Variants in LRP12 observed in about 807,000 individuals in gnomAD.
The protein encoded by LRP12 is low-density lipoprotein receptor-related protein 12.
A neutral mutation model predicts 66.0 loss-of-function variants in LRP12; 14 were observed. That is an observed-to-expected ratio of 0.21 (90% CI 0.14 to 0.33). The LOEUF (loss-of-function observed/expected upper bound fraction) is 0.33. LRP12 is among the 10% of genes least tolerant of loss of function. LRP12 has a pLI of 1.00. For synonymous variants in LRP12, 357 were observed against 359.1 expected (o/e 0.99, Z 0.07); for missense variants, 889 against 1,053.4 (o/e 0.84, Z 2.16).
intron 1 of LRP12, among the ~76,000 whole-genome samples, chr8:104,570,114 A>C (rs1336150771): frequency 3.3e-5 from 5 of 152,190 alleles, no homozygotes; most frequent in African/African-American, 1.2e-4. Flanking sequence ...AGAACTATGA[A>C]ACACTAATGA....
At chr8:104,558,929 T>C (rs1811857184) in intron 1 of LRP12, among the ~76,000 whole-genome samples, 1 of 151,802 alleles carries the variant, frequency 6.6e-6, no homozygotes, top group Non-Finnish European at 1.5e-5. Context: ...CCTGCAAGAG[T>C]GGCCATAATC....
chr8:104,531,947 T>A lies in LRP12; in HGVS notation c.96A>T (p.Ala32=). 1.3e-6 allele frequency: 2 copies of A among 1,588,812 alleles called. No homozygotes were observed. Among genetic ancestry groups the A allele is most frequent in the Non-Finnish European group, 1.7e-6 (2 of 1,169,736 alleles). Residue 32 remains alanine (A), a synonymous_variant, in exon 2 of 7, where the codon GCA becomes GCT. Transcript: ENST00000276654. ...AAATATGCACATTTTCAGAATGTTC[T>A]GCAAGAGCACCATTTCCTAAAATTA... ...LAGVYGNGAL[A]EHSENVHISG...
chr8:104,548,064 T>C (rs1811629131), intron 1 of LRP12, among the ~76,000 whole-genome samples: 1 of 118,714 alleles, frequency 8.4e-6, no homozygotes, highest in African/African-American at 3.2e-5. Context: ...ATTTTGTATA[T>C]AATATATAAT....
At chr8:104,520,810 C>A (rs963813678) in intron 2 of LRP12, among the ~76,000 whole-genome samples, 1 of 151,990 alleles carries the variant, frequency 6.6e-6, no homozygotes, top group African/African-American at 2.4e-5. Context: ...CATGCCTTGG[C>A]AAAAATTACA....
intron 1 of LRP12, among the ~76,000 whole-genome samples, chr8:104,540,030 G>A (rs147523984): frequency 6.6e-6 from 1 of 152,242 alleles, no homozygotes; most frequent in African/African-American, 2.4e-5. Flanking sequence ...ATCAAAGTGT[G>A]CAGAGTGGTC....
intron 1 of LRP12, among the ~76,000 whole-genome samples, chr8:104,557,159 T>C (rs1811822661): frequency 6.6e-6 from 1 of 152,154 alleles, no homozygotes; most frequent in Non-Finnish European, 1.5e-5. Flanking sequence ...AACATTATAC[T>C]GAACGGGGAA....
At chr8:104,537,754 A>G (rs1019861279) in intron 1 of LRP12, among the ~76,000 whole-genome samples, 1 of 152,200 alleles carries the variant, frequency 6.6e-6, no homozygotes, top group Non-Finnish European at 1.5e-5. Context: ...AGGTAAGGGA[A>G]ATGAAATCAT....
chr8:104,503,381 G>C (rs1316314974), intron 3 of LRP12, among the ~76,000 whole-genome samples: 1 of 135,526 alleles, frequency 7.4e-6, no homozygotes, highest in Non-Finnish European at 1.6e-5. Flanking sequence ...CAGAAACCTT[G>C]TTTAGAATAA....
intron 2 of LRP12, among the ~76,000 whole-genome samples, chr8:104,531,057 TAAAAC>T (rs1386359640): frequency 3.3e-5 from 5 of 151,900 alleles, no homozygotes; most frequent in African/African-American, 9.7e-5. Flanking sequence ...AAGTCAGACA[TAAAAC>T]AAAAGAACAG....
chr8:104,542,703 A>G (rs1057323538), intron 1 of LRP12, among the ~76,000 whole-genome samples: 1 of 152,150 alleles, frequency 6.6e-6, no homozygotes, highest in Non-Finnish European at 1.5e-5. Context: ...CCAATAACAC[A>G]AACAGTTGAT....
At chr8:104,525,036 A>G (rs1040227618) in intron 2 of LRP12, among the ~76,000 whole-genome samples, 1 of 152,134 alleles carries the variant, frequency 6.6e-6, no homozygotes, top group Non-Finnish European at 1.5e-5. Context: ...TAAACATTTC[A>G]AAAAGAAACA....
Position 104,531,948 on chromosome 8 carries a change from G to A in LRP12, c.95C>T (p.Ala32Val), listed in dbSNP as rs1224306821. The A allele has an allele frequency of 1.3e-6, 2 of 1,586,274 alleles. No individual in the cohort carries two copies. The highest frequency in any genetic ancestry group is 1.2e-5 in the South Asian group (1 of 85,976). ...AATATGCACATTTTCAGAATGTTCT[G>A]CAAGAGCACCATTTCCTAAAATTAA... Reference protein sequence around the residue: ...LAGVYGNGALAEHSENVHISG... With the variant: ...LAGVYGNGALVEHSENVHISG... Residue 32 changes from alanine to valine, a missense_variant, in exon 2 of 7, where the codon GCA (alanine) becomes GTA (valine). Physicochemically the swap from Ala to Val is moderately conservative, Grantham distance 64. Coordinates refer to ENST00000276654, the MANE Select transcript of LRP12 (RefSeq NM_013437.5).
At chr8:104,582,493 G>A (rs913159589) in intron 1 of LRP12, among the ~76,000 whole-genome samples, 1 of 152,096 alleles carries the variant, frequency 6.6e-6, no homozygotes, top group Non-Finnish European at 1.5e-5. Context: ...AATCTTTATT[G>A]ATAGCTTAGC....
intron 1 of LRP12, among the ~76,000 whole-genome samples, chr8:104,565,112 G>A (rs1003641875): frequency 1.2e-4 from 18 of 152,076 alleles, no homozygotes; most frequent in African/African-American, 4.3e-4. Context: ...CTAAATGGAT[G>A]AAACCTTCAG....
rs754741823 is a variant in LRP12, at chr8:104,490,919, T to G, written c.2334A>C (p.Pro778=). Residue 778 remains proline (P), a synonymous_variant, in exon 7 of 7, where the codon CCA becomes CCC. Transcript: ENST00000276654. ...CAAAGTCTGAAGATCCATCAGAAAT[T>G]GGAATTAGCATTTCAACATCATCAT... The part of the protein sequence containing the change: ...EDDDDVEMLI[P]ISDGSSDFDV... 5 of 1,613,988 alleles carry G rather than the reference T, an allele frequency of 3.1e-6. No individual in the cohort carries two copies. In the African/African-American group the frequency reaches 6.7e-5, roughly 22 times the overall value.
chr8:104,521,239 G>A (rs762393517), intron 2 of LRP12, among the ~76,000 whole-genome samples: 2 of 151,796 alleles, frequency 1.3e-5, no homozygotes, highest in Non-Finnish European at 2.9e-5. Context: ...TCCTTTGAGT[G>A]TTATGTCGTT....
At chr8:104,518,550 G>A in intron 2 of LRP12, among the ~76,000 whole-genome samples, 1 of 152,136 alleles carries the variant, frequency 6.6e-6, no homozygotes, top group East Asian at 1.9e-4. Context: ...CTAGAAAAAT[G>A]AACTATTGGT....
intron 2 of LRP12, among the ~76,000 whole-genome samples, chr8:104,523,047 T>C (rs1183367161): frequency 6.6e-6 from 1 of 152,172 alleles, no homozygotes; most frequent in Non-Finnish European, 1.5e-5. Flanking sequence ...TGTGATACAG[T>C]AATTTCACTT....
chr8:104,580,508 C>A (rs144119213), intron 1 of LRP12, among the ~76,000 whole-genome samples: 8 of 150,756 alleles, frequency 5.3e-5, no homozygotes, highest in Non-Finnish European at 1.0e-4. Context: ...CCAGCCTGGG[C>A]GACAGAGCAA....
Sources: allele counts gnomAD v4.1 joint callset (sites outside exome capture counted in the v4.1 genomes callset), GRCh38; gene constraint gnomAD v4.1.1; transcripts MANE v1.5; gene names NCBI Gene and HGNC (gene_info 2026-07-23, HGNC 2026-07-21).